The following CFLAR variants were observed in gnomAD, a reference collection of about 807,000 sequenced individuals.
CFLAR encodes the protein CASP8 and FADD-like apoptosis regulator.
Under a neutral mutation model 51.1 loss-of-function variants are expected in CFLAR, and 14 were observed. The observed-to-expected ratio is 0.27, with a 90% CI of 0.18 to 0.43. The LOEUF (loss-of-function observed/expected upper bound fraction) is 0.43. Among genes scored for constraint, CFLAR ranks in the 20% least tolerant of loss-of-function variants. The probability of loss-of-function intolerance (pLI) is 1.00; values close to 1 mark genes in which losing one functional copy is unlikely to be tolerated. For missense variants in CFLAR, 390 were observed against 566.5 expected (o/e 0.69, Z 3.16); for synonymous variants, 210 against 211.6 (o/e 0.99, Z 0.06).
chr2:201,172,685 C>T lies in CFLAR; in HGVS notation c.*8712C>T, dbSNP rs945934004. ...GGCCTTTCGTGTCTGACTTCCTTCA[C>T]TTAGCATGTTTCAAGGTTCATCTAT... On this transcript the variant is annotated 3_prime_UTR_variant, in exon 10 of 10. Coordinates refer to ENST00000309955, the MANE Select transcript of CFLAR (RefSeq NM_003879.7). 6.6e-6 allele frequency: 1 copy of T among 152,198 alleles called. No homozygotes were observed. Among genetic ancestry groups the T allele is most frequent in the Non-Finnish European group, 1.5e-5 (1 of 68,036 alleles). The allele number at this position is 152,198 out of a possible 1,614,324, so 9.4% of individuals were successfully genotyped here.
At chr2:201,161,167 G>A (rs748052585) in intron 9 of CFLAR, among the ~76,000 whole-genome samples, 4 of 152,116 alleles carry the variant, frequency 2.6e-5, no homozygotes, top group Non-Finnish European at 4.4e-5. Flanking sequence ...TTAAAATTAA[G>A]AAATTTTCAG....
In CFLAR at chr2:201,160,619, T is replaced by C; in HGVS notation, c.981T>C (p.Thr327=). The part of the protein sequence containing the change: ...GSQSVYGVDQ[T]HSGLPLHHIR... ...AGAGTGTGTATGGTGTGGATCAGAC[T>C]CACTCAGGGCTCCCCCTGCATCACA... Residue 327 remains threonine (T), a synonymous_variant, in exon 9 of 10, where the codon ACT becomes ACC. Coordinates refer to ENST00000309955, the MANE Select transcript of CFLAR (RefSeq NM_003879.7). 2.5e-6 allele frequency: 4 copies of C among 1,613,902 alleles called. No homozygotes were observed. Among genetic ancestry groups the C allele is most frequent in the Non-Finnish European group, 3.4e-6 (4 of 1,179,944 alleles).
rs2047882675 is a variant in CFLAR, at chr2:201,118,886, C to G, written c.-138+2405C>G. Reference sequence around the variant, plus strand: ...CCGGCGGAGATCCAGTGGGAAGAGCCGGCGGCTGCCCGGGCGTGAGTAGAC... The same window carrying G: ...CCGGCGGAGATCCAGTGGGAAGAGCGGGCGGCTGCCCGGGCGTGAGTAGAC... On this transcript the variant is annotated intron_variant, in intron 1 of 9. Coordinates refer to ENST00000309955, the MANE Select transcript of CFLAR (RefSeq NM_003879.7). The surrounding 1 kb of genome is among the most constrained non-coding windows in gnomAD (Gnocchi z 5.1). 3.3e-5 allele frequency: 5 copies of G among 152,422 alleles called. No homozygotes were observed. In the South Asian group the frequency reaches 1.0e-3, roughly 31 times the overall value. 9.4% of individuals were successfully genotyped at this position (152,422 alleles called of 1,614,324 possible).
Position 201,169,345 on chromosome 2 carries a change from AAAAC to A in CFLAR, c.*5375_*5378del, listed in dbSNP as rs1260288308. On this transcript the variant is annotated 3_prime_UTR_variant, in exon 10 of 10. Transcript: ENST00000309955. The stretch of plus-strand genomic sequence containing the variant: ...CATCTGATCATCGACAAACCTGACA[AAAAC>A]AAGCAATGGGGAAAAGATTCCCTAT... 1.3e-5 allele frequency: 2 copies of A among 152,236 alleles called. No individual in the cohort carries two copies. The highest frequency in any genetic ancestry group is 4.8e-5 in the African/African-American group (2 of 41,468). 9.4% of individuals were successfully genotyped at this position (152,236 alleles called of 1,614,324 possible).
intron 2 of CFLAR, among the ~76,000 whole-genome samples, chr2:201,132,319 A>G (rs1014145243): frequency 4.6e-5 from 7 of 152,078 alleles, no homozygotes; most frequent in African/African-American, 1.7e-4. Flanking sequence ...CTAACTGGGA[A>G]AATGGCCTTG....
intron 5 of CFLAR, chr2:201,142,608 TG>T (rs1254201519): frequency 6.6e-6 from 1 of 152,306 alleles, no homozygotes; most frequent in Non-Finnish European, 1.5e-5. Context: ...GCATACTTTT[TG>T]TTTTTTTGAG....
In CFLAR at chr2:201,163,410, C is replaced by G. The variant is rs144421151; in HGVS notation, c.1305-425C>G. 4 of 1,134,206 alleles carry G rather than the reference C, an allele frequency of 3.5e-6. No homozygotes were observed. The African/African-American group carries it at 4.8e-5, about 14-fold the overall frequency. 70.3% of individuals were successfully genotyped at this position (1,134,206 alleles called of 1,614,324 possible). A position where few individuals can be genotyped will look rare whatever the true frequency, so the allele number is the denominator to read the frequency against. ...AGCCACCTGTCAAATGCATTCTGGG[C>G]TGTACCTCTGCGTACCCCAGGAATA... On this transcript the variant is annotated intron_variant, in intron 9 of 9. Coordinates refer to ENST00000309955, the MANE Select transcript of CFLAR (RefSeq NM_003879.7).
chr2:201,121,745 C>T (rs1160860559), intron 1 of CFLAR, among the ~76,000 whole-genome samples: 1 of 152,178 alleles, frequency 6.6e-6, no homozygotes, highest in Non-Finnish European at 1.5e-5. Flanking sequence ...GCAAATACAC[C>T]TGCCAAGTTG....
rs184123487 is a variant in CFLAR, at chr2:201,123,753, C to T, written c.-137-5976C>T. The stretch of plus-strand genomic sequence containing the variant: ...AACTGGGATCATCTGTTGTTCTGCA[C>T]GCCAATGGAGGGGGAAGGTGAATTT... On this transcript the variant is annotated intron_variant, in intron 1 of 9. Coordinates refer to ENST00000309955, the MANE Select transcript of CFLAR (RefSeq NM_003879.7). 2.0e-3 allele frequency among the ~76,000 whole-genome samples: 298 copies of T among 152,268 alleles called. 2 individuals are homozygous for T. The highest frequency in any genetic ancestry group is 6.8e-3 in the African/African-American group (283 of 41,536).
In CFLAR at chr2:201,133,652, C is replaced by T. The variant is rs150080767; in HGVS notation, c.387+518C>T. Among the ~76,000 whole-genome samples, 181 of 152,068 alleles carry T rather than the reference C, an allele frequency of 1.2e-3. No homozygotes were observed. In the East Asian group the frequency reaches 0.02, roughly 17 times the overall value. On this transcript the variant is annotated intron_variant, in intron 3 of 9. Transcript: ENST00000309955. Reference sequence around the variant, plus strand: ...GATTTAGAGTTGAAAACCAGGAGGCCGGGCGCAGTGGCTCATGCCTGTAAT... The same window carrying T: ...GATTTAGAGTTGAAAACCAGGAGGCTGGGCGCAGTGGCTCATGCCTGTAAT...
chr2:201,122,047 G>A (rs2048236890), intron 1 of CFLAR, among the ~76,000 whole-genome samples: 1 of 152,238 alleles, frequency 6.6e-6, no homozygotes, highest in Admixed American at 6.5e-5. Context: ...ACTACCTGAA[G>A]TTGAGACCTG....
intron 8 of CFLAR, chr2:201,153,347 A>G (rs1941596723): frequency 6.6e-6 from 1 of 152,230 alleles, no homozygotes; most frequent in African/African-American, 2.4e-5. Flanking sequence ...ATTAATTATT[A>G]AGAAGTGGAA....
At position 201,160,922 on chromosome 2, in the gene CFLAR, C is replaced by T; in HGVS notation, c.1284C>T (p.Ser428=). 6.2e-7 allele frequency: 1 copy of T among 1,612,044 alleles called. No individual in the cohort carries two copies. Among genetic ancestry groups the T allele is most frequent in the African/African-American group, 1.3e-5 (1 of 74,924 alleles). ...CATCCCTGTACCTGCAGTGCCTCTCCCAGAAACTGAGACAAGAAAGGTGAG... is the reference window on the plus strand; with the variant it reads ...CATCCCTGTACCTGCAGTGCCTCTCTCAGAAACTGAGACAAGAAAGGTGAG... ...SSPSLYLQCL[S]QKLRQERKRP... The change falls in exon 9 of 10, where the codon TCC becomes TCT. Residue 428 remains serine, a synonymous_variant. Coordinates refer to ENST00000309955, the MANE Select transcript of CFLAR (RefSeq NM_003879.7).
chr2:201,122,393 A>G (rs560911991), intron 1 of CFLAR: 1 of 152,354 alleles, frequency 6.6e-6, no homozygotes, highest in Non-Finnish European at 1.5e-5. Flanking sequence ...CAAGTATGGT[A>G]TCTTAACTAC....
At chr2:201,122,559 A>C (rs190014910) in intron 1 of CFLAR, 2 of 152,366 alleles carry the variant, frequency 1.3e-5, no homozygotes, top group Admixed American at 1.3e-4. Context: ...AATGAAGATG[A>C]GTAAAAGCCT....
chr2:201,166,765 G>A lies in CFLAR; in HGVS notation c.*2792G>A, dbSNP rs946889341. ...AGATCACTCGCAGTCAGGAGCTGGA[G>A]ACCAGCCCGGCCAACACAGTGAAAC... On this transcript the variant is annotated 3_prime_UTR_variant, in exon 10 of 10. Transcript: ENST00000309955. 1 of 161,828 alleles carries A rather than the reference G, an allele frequency of 6.2e-6. No homozygotes were observed. The highest frequency in any genetic ancestry group is 1.3e-5 in the Non-Finnish European group (1 of 74,824). 10.0% of individuals were successfully genotyped at this position (161,828 alleles called of 1,614,324 possible).
At chr2:201,163,653 A>G in intron 9 of CFLAR, 182 bp from the exon 10 acceptor site, 5 of 1,393,206 alleles carry the variant, frequency 3.6e-6, no homozygotes, top group Non-Finnish European at 4.6e-6. Context: ...GAGGGAGGGG[A>G]TGGTGGCCAT....
chr2:201,146,769 T>C (rs1940275038), intron 6 of CFLAR: 1 of 152,192 alleles, frequency 6.6e-6, no homozygotes, highest in Admixed American at 6.5e-5. Context: ...ATCATGAATG[T>C]TTTGAGTAGG....
intron 1 of CFLAR, among the ~76,000 whole-genome samples, chr2:201,123,028 G>A (rs928277607): frequency 6.6e-6 from 1 of 152,124 alleles, no homozygotes; most frequent in African/African-American, 2.4e-5. Flanking sequence ...TGTAAGCTGA[G>A]CAAGTATACC....
Sources: gnomAD v4.1 joint callset for allele counts (sites outside exome capture counted in the v4.1 genomes callset) on GRCh38, gnomAD v4.1.1 for gene constraint, Gnocchi (gnomAD v3.1) non-coding constraint, MANE v1.5 for transcripts, NCBI Gene and HGNC (gene_info 2026-07-23, HGNC 2026-07-21) for gene names.